ALDH3B2: variants seen among roughly 807,000 people sequenced by gnomAD.
The protein encoded by ALDH3B2 is aldehyde dehydrogenase family 3 member B2.
ALDH3B2 carries 45 observed loss-of-function variants against 36.7 expected under a neutral mutation model. That is an observed-to-expected ratio of 1.23 (90% CI 0.97 to 1.57). The LOEUF is 1.57. Ranked by LOEUF, ALDH3B2 falls within the 40% of genes most tolerant of loss-of-function variation. The pLI is 0.00. For synonymous variants in ALDH3B2, 217 were observed against 226.5 expected (o/e 0.96, Z 0.38); for missense variants, 464 against 513.3 (o/e 0.90, Z 0.93).
At chr11:67,672,021 C>T (rs1342450042) in intron 1 of ALDH3B2, among the ~76,000 whole-genome samples, 3 of 132,074 alleles carry the variant, frequency 2.3e-5, no homozygotes, top group Non-Finnish European at 3.1e-5. Context: ...CCCTGCCTTT[C>T]TGGATGGAAC....
At chr11:67,672,918 C>T (rs1239398814) in intron 1 of ALDH3B2, among the ~76,000 whole-genome samples, 1 of 124,052 alleles carries the variant, frequency 8.1e-6, no homozygotes, top group Non-Finnish European at 1.8e-5. Flanking sequence ...TCTTTCTTTT[C>T]TTTTCTTTTC....
intron 8 of ALDH3B2, 44 bp downstream of exon 8, chr11:67,664,352 C>T: frequency 6.2e-7 from 1 of 1,611,998 alleles, no homozygotes; most frequent in Non-Finnish European, 8.5e-7. Flanking sequence ...CAGTCTGTGC[C>T]CCTTTCAGCC....
At chr11:67,671,700 C>T (rs941936858) in intron 1 of ALDH3B2, among the ~76,000 whole-genome samples, 1 of 151,906 alleles carries the variant, frequency 6.6e-6, no homozygotes, top group Non-Finnish European at 1.5e-5. Context: ...GCATGCACCA[C>T]CACGCCCAAA....
chr11:67,666,061 C>T, intron 6 of ALDH3B2, 61 bp downstream of exon 6: 1 of 1,557,166 alleles, frequency 6.4e-7, no homozygotes, highest in Non-Finnish European at 8.8e-7. Context: ...CCACAACCCT[C>T]CCACCCTCTC....
chr11:67,677,186 T>C (rs532472493), upstream of ALDH3B2, among the ~76,000 whole-genome samples: 3 of 152,280 alleles, frequency 2.0e-5, no homozygotes, highest in East Asian at 3.9e-4. Context: ...TTGATGAACA[T>C]AGATGCTAAA....
chr11:67,667,899 C>T (rs574505014), intron 1 of ALDH3B2: 1 of 154,902 alleles, frequency 6.5e-6, no homozygotes, highest in African/African-American at 2.4e-5. Flanking sequence ...GAGGGGATCC[C>T]CCTCCTGGAC....
At chr11:67,663,463 A>G (rs1855808968) in intron 9 of ALDH3B2, 64 bp from the exon 10 acceptor site, 5 of 1,553,068 alleles carry the variant, frequency 3.2e-6, no homozygotes, top group Non-Finnish European at 4.4e-6. Flanking sequence ...GCAGCAGCCC[A>G]CTGCCCCGGC....
At chr11:67,679,041 G>T (rs1172794361), upstream of ALDH3B2, among the ~76,000 whole-genome samples, 1 of 152,070 alleles carries the variant, frequency 6.6e-6, no homozygotes, top group Non-Finnish European at 1.5e-5. Flanking sequence ...TGGGAAGGGG[G>T]TGAGGGATAA....
upstream of ALDH3B2, among the ~76,000 whole-genome samples, chr11:67,677,207 A>G (rs1460666400): frequency 2.0e-5 from 3 of 152,208 alleles, no homozygotes; most frequent in Non-Finnish European, 4.4e-5. Context: ...ATCCTTAACA[A>G]TATACTAGCT....
intron 9 of ALDH3B2, 28 bp from the exon 10 acceptor site, chr11:67,663,427 G>A: frequency 6.3e-7 from 1 of 1,594,048 alleles, no homozygotes; most frequent in Non-Finnish European, 8.5e-7. Flanking sequence ...ACAAGGGCCT[G>A]AGACCAGGCA....
chr11:67,675,358 A>T (rs943736866), upstream of ALDH3B2, among the ~76,000 whole-genome samples: 3 of 152,218 alleles, frequency 2.0e-5, no homozygotes, highest in Non-Finnish European at 2.9e-5. Flanking sequence ...GCACAAAATC[A>T]GTGCCCCTCA....
chr11:67,668,851 A>G (rs1215535514), intron 1 of ALDH3B2, among the ~76,000 whole-genome samples: 4 of 119,660 alleles, frequency 3.3e-5, no homozygotes, highest in African/African-American at 6.8e-5. Context: ...GTGTCTGTGT[A>G]TGTATGGGTG....
At chr11:67,678,341 A>C (rs1856307014), upstream of ALDH3B2, among the ~76,000 whole-genome samples, 1 of 152,184 alleles carries the variant, frequency 6.6e-6, no homozygotes. Context: ...GCTGATCTTC[A>C]ACAAATAAAC....
chr11:67,664,672 A>C, intron 7 of ALDH3B2, 110 bp from the exon 8 acceptor site: 1 of 1,444,278 alleles, frequency 6.9e-7, no homozygotes, highest in Admixed American at 2.3e-5. Context: ...CCAGGATCCC[A>C]AGGTCTGACT....
At chr11:67,679,345 C>T (rs1287964658), upstream of ALDH3B2, among the ~76,000 whole-genome samples, 1 of 151,986 alleles carries the variant, frequency 6.6e-6, no homozygotes, top group Non-Finnish European at 1.5e-5. Context: ...GTGGCGTGCA[C>T]CTGTAATCCC....
chr11:67,676,681 T>C (rs1005710939), upstream of ALDH3B2, among the ~76,000 whole-genome samples: 16 of 151,962 alleles, frequency 1.1e-4, no homozygotes, highest in Admixed American at 9.8e-4. Flanking sequence ...TTTGAAAAGA[T>C]AAATAAAATT....
At chr11:67,680,842 T>G (rs2251277) in intron 1 of ALDH3B2, among the ~76,000 whole-genome samples, 6,901 of 152,258 alleles carry the variant, frequency 0.045, 524 homozygotes, top group African/African-American at 0.16. Flanking sequence ...CCCAATTTGC[T>G]TTTTACTGCA....
At position 67,671,545 on chromosome 11, in the gene ALDH3B2, CCCCT is replaced by C. The variant is rs1285782816; in HGVS notation, c.-245+2888_-245+2891del. Among the ~76,000 whole-genome samples, 56 of 149,952 alleles carry C rather than the reference CCCCT, an allele frequency of 3.7e-4. 1 individual carries two copies. Among genetic ancestry groups the C allele is most frequent in the African/African-American group, 6.1e-4 (25 of 41,120 alleles). On this transcript the variant is annotated intron_variant, in intron 1 of 9. Coordinates refer to ENST00000349015, the Ensembl canonical transcript of ALDH3B2. Reference sequence around the variant, plus strand: ...CTGATCAGGGCCAACCTGCCTCCCCCCCCTTTTTTTTTTTTTTTGGAACGGAGTT... The same window carrying C: ...CTGATCAGGGCCAACCTGCCTCCCCCTTTTTTTTTTTTTTGGAACGGAGTT...
rs534486871 is a variant in ALDH3B2 at position 67,666,469 on chromosome 11, C to T, written c.152-68G>A. 1.4e-5 allele frequency: 22 copies of T among 1,603,492 alleles called. 1 individual carries two copies. Among genetic ancestry groups the T allele is most frequent in the Middle Eastern group, 1.7e-4 (1 of 6,028 alleles). ...CCCATGCCCAACCAGGGGCTGGGCT[C>T]AGAGGGCATGTGAGGCCCAGGGTAC... On this transcript the variant is annotated intron_variant, in intron 4 of 9. Transcript: ENST00000349015.
Sources: gnomAD v4.1 joint callset for allele counts (sites outside exome capture counted in the v4.1 genomes callset) on GRCh38, gnomAD v4.1.1 for gene constraint, MANE v1.5 for transcripts, NCBI Gene and HGNC (gene_info 2026-07-23, HGNC 2026-07-21) for gene names.